KIF18A: variants seen among roughly 807,000 people sequenced by gnomAD.
The protein encoded by KIF18A is kinesin-like protein KIF18A.
Under a neutral mutation model 103.3 loss-of-function variants are expected in KIF18A, and 67 were observed. The ratio of observed to expected loss-of-function variants is 0.65; its 90% CI spans 0.53 to 0.79. The LOEUF is 0.79. Among genes scored for constraint, KIF18A ranks in the 30% least tolerant of loss-of-function variants. KIF18A has a pLI of 0.00. For synonymous variants in KIF18A, 367 were observed against 355.5 expected (o/e 1.03, Z -0.36); for missense variants, 1,032 against 1,062.5 (o/e 0.97, Z 0.40).
intron 13 of KIF18A, among the ~76,000 whole-genome samples, chr11:28,049,966 A>G (rs1850691877): frequency 6.6e-6 from 1 of 151,876 alleles, no homozygotes; most frequent in African/African-American, 2.4e-5. Flanking sequence ...ACTAATAAAC[A>G]TTTTATAATA....
intron 13 of KIF18A, among the ~76,000 whole-genome samples, chr11:28,037,109 G>A (rs1850502709): frequency 6.6e-6 from 1 of 151,426 alleles, no homozygotes; most frequent in South Asian, 2.1e-4. Flanking sequence ...TTGTTTTTTA[G>A]ATTTGCGGGT....
Position 28,097,938 on chromosome 11 carries a change from T to G in KIF18A, c.10A>C (p.Thr4Pro), listed in dbSNP as rs1851397013. 1 of 1,565,082 alleles carries G rather than the reference T, an allele frequency of 6.4e-7. No homozygotes were observed. Among genetic ancestry groups the G allele is most frequent in the Admixed American group, 2.0e-5 (1 of 50,108 alleles). ...ATATGGTGGCACAGGTCTTCCTCAG[T>G]GACAGACATTGTTGATTATCTTGAT... is the stretch of plus-strand genomic sequence containing the variant. MSV[T>P]EEDLCHHMKV... Residue 4 changes from threonine to proline, a missense_variant, in exon 2 of 17, where the codon ACT becomes CCT. Transcript: ENST00000263181.
intron 10 of KIF18A, 70 bp downstream of exon 10, chr11:28,076,935 GAA>G (rs11433506): frequency 0.029 from 8,285 of 290,530 alleles, no homozygotes; most frequent in East Asian, 0.034. Context: ...GACTCCTTCT[GAA>G]AAAAAAAAAA....
chr11:28,094,159 A>G (rs1851337175), intron 3 of KIF18A, among the ~76,000 whole-genome samples: 1 of 152,202 alleles, frequency 6.6e-6, no homozygotes, highest in African/African-American at 2.4e-5. Context: ...TAAGGAGACT[A>G]AGATATAACA....
chr11:28,032,320 C>A (rs1184538090), intron 15 of KIF18A, among the ~76,000 whole-genome samples: 2 of 151,796 alleles, frequency 1.3e-5, no homozygotes. Flanking sequence ...TCAATGCAAT[C>A]CCTATCAAAA....
At chr11:28,070,530 T>C (rs1003946967) in intron 10 of KIF18A, among the ~76,000 whole-genome samples, 4 of 152,204 alleles carry the variant, frequency 2.6e-5, no homozygotes, top group Non-Finnish European at 4.4e-5. Context: ...GGAAAAATAG[T>C]TGATAGCCAC....
Position 28,057,298 on chromosome 11 carries a change from G to A in KIF18A, c.1948+1628C>T, listed in dbSNP as rs572858084. Among the ~76,000 whole-genome samples, 4 of 152,080 alleles carry A rather than the reference G, an allele frequency of 2.6e-5. No individual in the cohort carries two copies. The South Asian group carries it at 6.2e-4, about 24-fold the overall frequency. ...TGGGAGGCCGAGGTGGATGGATCAC[G>A]AGGTCAGGAGATTGAGACCATCCTG... On this transcript the variant is annotated intron_variant, in intron 13 of 16. Coordinates refer to ENST00000263181, the MANE Select transcript of KIF18A (RefSeq NM_031217.4).
rs777088570 is a variant in KIF18A, at chr11:28,021,182, G to T, written c.*18C>A. The T allele has an allele frequency of 6.8e-7, 1 of 1,475,984 alleles. No homozygotes were observed. Among genetic ancestry groups the T allele is most frequent in the South Asian group, 1.4e-5 (1 of 73,962 alleles). 91.4% of individuals were successfully genotyped at this position (1,475,984 alleles called of 1,614,324 possible). On this transcript the variant is annotated 3_prime_UTR_variant, in exon 17 of 17. Coordinates refer to ENST00000263181, the MANE Select transcript of KIF18A (RefSeq NM_031217.4). Reference sequence around the variant, plus strand: ...AAGCAGATTTGATCAACTTCATTTTGCTTGGTTTTGAAGTGATTTATCTTA... The same window carrying T: ...AAGCAGATTTGATCAACTTCATTTTTCTTGGTTTTGAAGTGATTTATCTTA...
At chr11:28,059,385 A>G (rs1850829421) in intron 12 of KIF18A, among the ~76,000 whole-genome samples, 1 of 152,144 alleles carries the variant, frequency 6.6e-6, no homozygotes, top group South Asian at 2.1e-4. Flanking sequence ...ATAAATAGCC[A>G]CTACTTATAA....
chr11:28,030,509 AC>A (rs1850382337), intron 15 of KIF18A, among the ~76,000 whole-genome samples: 1 of 152,170 alleles, frequency 6.6e-6, no homozygotes, highest in Non-Finnish European at 1.5e-5. Flanking sequence ...TCCCTTCCTT[AC>A]ACCTTATACA....
At chr11:28,086,897 C>A (rs1487595876) in intron 6 of KIF18A, among the ~76,000 whole-genome samples, 2 of 151,884 alleles carry the variant, frequency 1.3e-5, no homozygotes, top group East Asian at 3.9e-4. Flanking sequence ...TGTCTGCTTA[C>A]AAGTTTGAGA....
intron 10 of KIF18A, among the ~76,000 whole-genome samples, chr11:28,074,498 T>C (rs1452938268): frequency 6.6e-6 from 1 of 152,014 alleles, no homozygotes; most frequent in Non-Finnish European, 1.5e-5. Flanking sequence ...GAAAAGAAAA[T>C]TTCATTAAGG....
chr11:28,022,471 G>A (rs1434381721), intron 16 of KIF18A, among the ~76,000 whole-genome samples: 1 of 152,046 alleles, frequency 6.6e-6, no homozygotes, highest in Non-Finnish European at 1.5e-5. Flanking sequence ...GTTTCACCAT[G>A]TTAGCCAGGA....
intron 13 of KIF18A, among the ~76,000 whole-genome samples, chr11:28,046,288 A>G (rs1350311552): frequency 6.7e-6 from 1 of 149,678 alleles, no homozygotes; most frequent in Non-Finnish European, 1.5e-5. Flanking sequence ...AAAGACTTGG[A>G]ACCAACCCAA....
chr11:28,055,623 A>G (rs1484605190), intron 13 of KIF18A, among the ~76,000 whole-genome samples: 1 of 152,174 alleles, frequency 6.6e-6, no homozygotes, highest in African/African-American at 2.4e-5. Context: ...TCAGGAAACT[A>G]CAGTTTAGTA....
chr11:28,095,223 C>T (rs1302619393), intron 2 of KIF18A, among the ~76,000 whole-genome samples: 1 of 152,170 alleles, frequency 6.6e-6, no homozygotes, highest in African/African-American at 2.4e-5. Flanking sequence ...CAGAGGGTGC[C>T]TGCTTATTTT....
In KIF18A at chr11:28,056,412, C is replaced by T. The variant is rs146128258; in HGVS notation, c.1948+2514G>A. Among the ~76,000 whole-genome samples the T allele has an allele frequency of 4.4e-3, 666 of 151,528 alleles. 8 individuals carry two copies. The highest frequency in any genetic ancestry group is 0.014 in the African/African-American group (596 of 41,324). ...TGAAGAATGTGAGAAACAAAATTAT[C>T]CAGGAAGAGAAAAAAACATTAAAAG... On this transcript the variant is annotated intron_variant, in intron 13 of 16. Transcript: ENST00000263181.
intron 15 of KIF18A, among the ~76,000 whole-genome samples, chr11:28,031,360 G>A (rs181595538): frequency 1.3e-5 from 2 of 152,012 alleles, no homozygotes; most frequent in Admixed American, 1.3e-4. Flanking sequence ...CCATAAAAAA[G>A]GATGAGTTCA....
At chr11:28,056,916 G>A (rs1217073319) in intron 13 of KIF18A, 2 of 396,092 alleles carry the variant, frequency 5.0e-6, no homozygotes, top group South Asian at 1.8e-5. Flanking sequence ...CTAGTTGGGA[G>A]TGAGGGGCTA....
Sources: gnomAD v4.1 joint callset for allele counts (sites outside exome capture counted in the v4.1 genomes callset) on GRCh38, gnomAD v4.1.1 for gene constraint, MANE v1.5 for transcripts, NCBI Gene and HGNC (gene_info 2026-07-23, HGNC 2026-07-21) for gene names.